The following PELI2 variants were observed in gnomAD, a reference collection of about 807,000 sequenced individuals.
PELI2 encodes pellino E3 ubiquitin protein ligase family member 2, also known as E3 ubiquitin-protein ligase pellino homolog 2.
PELI2 carries 23 observed loss-of-function variants against 42.3 expected under a neutral mutation model. The ratio of observed to expected loss-of-function variants is 0.54; its 90% CI spans 0.39 to 0.77. The LOEUF is 0.77. Among genes scored for constraint, PELI2 ranks in the 30% least tolerant of loss-of-function variants. The probability of loss-of-function intolerance (pLI) is 0.00; values close to 1 mark genes in which losing one functional copy is unlikely to be tolerated. For missense variants in PELI2, 463 were observed against 553.2 expected, an observed-to-expected ratio of 0.84 and a Z score of 1.64; for synonymous variants, 245 against 212.2, an observed-to-expected ratio of 1.15 and a Z score of -1.34.
Position 56,286,883 on chromosome 14 carries a change from A to G in PELI2, c.310-1554A>G, listed in dbSNP as rs554958365. On this transcript the variant is annotated intron_variant, in intron 3 of 5. Coordinates refer to ENST00000267460, the MANE Select transcript of PELI2 (RefSeq NM_021255.3). ...TAAGTCATGTGTATGACCGATCAAG[A>G]TAAGTGTCATGACTTAAAATCATTG... Among the ~76,000 whole-genome samples the G allele has an allele frequency of 3.2e-4, 48 of 152,346 alleles. No individual in the cohort carries two copies. The South Asian group carries it at 5.0e-3, about 16-fold the overall frequency.
At chr14:56,162,362 G>A (rs1397972124) in intron 1 of PELI2, among the ~76,000 whole-genome samples, 1 of 152,118 alleles carries the variant, frequency 6.6e-6, no homozygotes, top group African/African-American at 2.4e-5. Context: ...GAGAACATGT[G>A]ATGTTTGTTT....
chr14:56,207,982 A>G (rs1341526174), intron 2 of PELI2, among the ~76,000 whole-genome samples: 2 of 152,190 alleles, frequency 1.3e-5, no homozygotes, highest in Non-Finnish European at 2.9e-5. Context: ...ATAAAACTCT[A>G]ATCTTTTCCA....
chr14:56,184,476 T>G lies in PELI2; in HGVS notation c.207+6012T>G, dbSNP rs573299181. Among the ~76,000 whole-genome samples, 15 of 152,238 alleles carry G rather than the reference T, an allele frequency of 9.9e-5. No homozygotes were observed. In the East Asian group the frequency reaches 2.7e-3, roughly 27 times the overall value. ...AAATCTAAGGAATACAATTAAATTT[T>G]AATAACATCCTTTTAATTTATTGAT... On this transcript the variant is annotated intron_variant, in intron 2 of 5. Coordinates refer to ENST00000267460, the MANE Select transcript of PELI2 (RefSeq NM_021255.3).
intron 2 of PELI2, among the ~76,000 whole-genome samples, chr14:56,212,227 T>G (rs1886736940): frequency 6.6e-6 from 1 of 152,230 alleles, no homozygotes; most frequent in Non-Finnish European, 1.5e-5. Flanking sequence ...ATCCATTCTC[T>G]TACTTCATTA....
intron 2 of PELI2, among the ~76,000 whole-genome samples, chr14:56,228,138 T>C (rs1468443218): frequency 7.2e-5 from 11 of 152,278 alleles, no homozygotes; most frequent in Non-Finnish European, 2.9e-5. Flanking sequence ...AAAACTTTCA[T>C]TTCAGGAGAT....
At chr14:56,185,437 A>G (rs1002291524) in intron 2 of PELI2, among the ~76,000 whole-genome samples, 5 of 152,186 alleles carry the variant, frequency 3.3e-5, no homozygotes, top group African/African-American at 7.2e-5. Context: ...CAAACCACCT[A>G]AGTAAAATGT....
At chr14:56,160,924 C>T (rs1469990397) in intron 1 of PELI2, among the ~76,000 whole-genome samples, 1 of 152,168 alleles carries the variant, frequency 6.6e-6, no homozygotes, top group Non-Finnish European at 1.5e-5. Context: ...CTCTCATGAT[C>T]CTTAGACCCC....
At chr14:56,123,160 C>T (rs1250928490) in intron 1 of PELI2, among the ~76,000 whole-genome samples, 1 of 150,974 alleles carries the variant, frequency 6.6e-6, no homozygotes, top group Non-Finnish European at 1.5e-5. Flanking sequence ...GGTATAGTAG[C>T]TTGTAGAGTT....
At chr14:56,223,263 G>T (rs944121825) in intron 2 of PELI2, among the ~76,000 whole-genome samples, 1 of 152,170 alleles carries the variant, frequency 6.6e-6, no homozygotes. Context: ...TCTAACTTCA[G>T]AGCTTAATAA....
intron 1 of PELI2, among the ~76,000 whole-genome samples, chr14:56,120,442 CACGGAAAGG>C (rs1217241065): frequency 2.0e-5 from 3 of 152,274 alleles, no homozygotes; most frequent in African/African-American, 7.2e-5. Flanking sequence ...ATTCCGAAGC[CACGGAAAGG>C]ATTGAAACCC....
At chr14:56,290,599 C>T (rs1447591435) in intron 5 of PELI2, 143 bp downstream of exon 5, 5 of 499,568 alleles carry the variant, frequency 1.0e-5, no homozygotes, top group Non-Finnish European at 1.3e-5. Flanking sequence ...CAGAATTCCA[C>T]AAGCCCCTGA....
intron 3 of PELI2, among the ~76,000 whole-genome samples, chr14:56,280,837 A>G (rs1229719275): frequency 6.6e-6 from 1 of 152,170 alleles, no homozygotes; most frequent in Non-Finnish European, 1.5e-5. Flanking sequence ...TCAAGTAGAC[A>G]AAGGATTGAT....
At chr14:56,244,978 G>C (rs1888100768) in intron 2 of PELI2, among the ~76,000 whole-genome samples, 1 of 152,174 alleles carries the variant, frequency 6.6e-6, no homozygotes, top group Admixed American at 6.5e-5. Context: ...CTGTTTACTA[G>C]CATGTATGAT....
chr14:56,263,507 T>C (rs1888797169), intron 2 of PELI2, among the ~76,000 whole-genome samples: 1 of 152,162 alleles, frequency 6.6e-6, no homozygotes, highest in African/African-American at 2.4e-5. Context: ...AATGTAAATA[T>C]TATTATTCTG....
At chr14:56,203,832 A>G (rs1886424612) in intron 2 of PELI2, among the ~76,000 whole-genome samples, 2 of 152,146 alleles carry the variant, frequency 1.3e-5, no homozygotes, top group African/African-American at 4.8e-5. Flanking sequence ...ACCCTACTCT[A>G]AATTAGAGTG....
intron 1 of PELI2, among the ~76,000 whole-genome samples, chr14:56,156,052 TTTTAA>T (rs1267255963): frequency 3.3e-5 from 5 of 152,228 alleles, no homozygotes; most frequent in African/African-American, 7.2e-5. Context: ...TGTTTCTGAT[TTTTAA>T]TTTAAGTACA....
At chr14:56,134,297 C>T (rs1490665438) in intron 1 of PELI2, among the ~76,000 whole-genome samples, 1 of 152,130 alleles carries the variant, frequency 6.6e-6, no homozygotes, top group East Asian at 1.9e-4. Context: ...ATTAAAGTCT[C>T]CCCAGAAAAA....
intron 2 of PELI2, among the ~76,000 whole-genome samples, chr14:56,260,990 GTC>G (rs1487991095): frequency 4.6e-5 from 7 of 151,984 alleles, no homozygotes; most frequent in African/African-American, 7.3e-5. Context: ...CCGTGAGGCT[GTC>G]TCTAGATATT....
chr14:56,208,017 C>T (rs1886580795), intron 2 of PELI2, among the ~76,000 whole-genome samples: 1 of 152,204 alleles, frequency 6.6e-6, no homozygotes, highest in Admixed American at 6.5e-5. Context: ...AAAAGCCAGA[C>T]ATCTCTTGCA....
Sources: allele counts gnomAD v4.1 joint callset (sites outside exome capture counted in the v4.1 genomes callset), GRCh38; gene constraint gnomAD v4.1.1; transcripts MANE v1.5; gene names NCBI Gene and HGNC (gene_info 2026-07-23, HGNC 2026-07-21).